The following PCDHA1 variants were observed in gnomAD, a reference collection of about 807,000 sequenced individuals.
The protein encoded by PCDHA1 is protocadherin alpha 1.
In PCDHA1, 42 loss-of-function variants were observed where a neutral mutation model predicts 61.3. The ratio of observed to expected loss-of-function variants is 0.69; its 90% CI spans 0.54 to 0.89. The LOEUF (loss-of-function observed/expected upper bound fraction) is 0.89, where lower values mean the gene tolerates loss of function less well. PCDHA1 is among the 40% of genes least tolerant of loss of function. The pLI, the probability that PCDHA1 is intolerant of heterozygous loss-of-function variation, is 0.00. For missense variants in PCDHA1, 1,256 were observed against 1,235.3 expected, an observed-to-expected ratio of 1.02 and a Z score of -0.25; for synonymous variants, 610 against 553.8, an observed-to-expected ratio of 1.10 and a Z score of -1.43.
chr5:140,823,220 A>T, intron 1 of PCDHA1: 1 of 1,613,736 alleles, frequency 6.2e-7, no homozygotes. Context: ...CGGGACGCGG[A>T]CGCGCAGGAG....
At chr5:140,966,622 G>C in intron 1 of PCDHA1, 1 of 854,486 alleles carries the variant, frequency 1.2e-6, no homozygotes, top group Non-Finnish European at 1.6e-6. Flanking sequence ...TACGGAGGGA[G>C]CGGCCCCAGG....
chr5:140,965,238 A>G (rs540671197), intron 1 of PCDHA1, among the ~76,000 whole-genome samples: 3 of 152,196 alleles, frequency 2.0e-5, no homozygotes, highest in Non-Finnish European at 2.9e-5. Context: ...ACCTGGGAAG[A>G]GTGAATATTC....
chr5:140,849,848 C>A (rs2150453425), intron 1 of PCDHA1: 1 of 1,598,546 alleles, frequency 6.3e-7, no homozygotes, highest in African/African-American at 1.3e-5. Context: ...TGAACGACAA[C>A]GCACCAGCGT....
At chr5:140,883,066 C>G in intron 1 of PCDHA1, 1 of 1,614,070 alleles carries the variant, frequency 6.2e-7, no homozygotes. Flanking sequence ...AGCTAAATGC[C>G]ACAGATCCTG....
intron 1 of PCDHA1, among the ~76,000 whole-genome samples, chr5:140,974,630 A>G (rs1252889789): frequency 6.7e-6 from 1 of 149,794 alleles, no homozygotes; most frequent in Non-Finnish European, 1.5e-5. Context: ...TCCTGCCTCA[A>G]CCTCCCGAGT....
rs114961630 is a variant in PCDHA1 at position 140,926,715 on chromosome 5, G to A, written c.2395-52234G>A. 1,110 of 952,350 alleles carry A rather than the reference G, an allele frequency of 1.2e-3. 9 individuals carry two copies. The African/African-American group carries it at 0.017, about 15-fold the overall frequency. The allele number at this position is 952,350 out of a possible 1,614,324, so 59.0% of individuals were successfully genotyped here. A position where few individuals can be genotyped will look rare whatever the true frequency, so the allele number is the denominator to read the frequency against. On this transcript the variant is annotated intron_variant, in intron 1 of 3. Transcript: ENST00000504120. ...GCCCGGCTCCCAGCTGGCCAGCCCC[G>A]GCAATGCCGGCGTTCGGGAGGCGCA... is the stretch of plus-strand genomic sequence containing the variant.
At chr5:140,882,811 C>T in intron 1 of PCDHA1, 2 of 1,614,192 alleles carry the variant, frequency 1.2e-6, no homozygotes, top group Non-Finnish European at 8.5e-7. Flanking sequence ...TCACTTTGGA[C>T]GCACAAAACA....
intron 3 of PCDHA1, among the ~76,000 whole-genome samples, chr5:141,005,559 G>A (rs980622255): frequency 6.6e-6 from 1 of 151,190 alleles, no homozygotes; most frequent in Admixed American, 6.6e-5. Flanking sequence ...AAAATTAGCC[G>A]GGCATGGTGG....
intron 1 of PCDHA1, chr5:140,851,422 A>C (rs1554145396): frequency 1.1e-6 from 1 of 948,550 alleles, no homozygotes; most frequent in Non-Finnish European, 1.3e-6. Flanking sequence ...ACTTCCCCTA[A>C]ACTTTAGAAA....
intron 1 of PCDHA1, chr5:140,847,434 A>T (rs1554141788): frequency 1.3e-5 from 2 of 149,796 alleles, no homozygotes; most frequent in East Asian, 3.9e-4. Flanking sequence ...TAGACTTGAG[A>T]TACACTAAAA....
At chr5:141,003,046 A>C (rs530303478) in intron 3 of PCDHA1, among the ~76,000 whole-genome samples, 76 of 152,356 alleles carry the variant, frequency 5.0e-4, no homozygotes, top group African/African-American at 1.8e-3. Context: ...TCCTGGCCTT[A>C]ACAGAACAGT....
At chr5:140,842,099 A>G (rs1554138785) in intron 1 of PCDHA1, 1 of 1,613,876 alleles carries the variant, frequency 6.2e-7, no homozygotes, top group Non-Finnish European at 8.5e-7. Flanking sequence ...CAACGGAACA[A>G]CAGTTATCAA....
intron 1 of PCDHA1, chr5:140,836,790 T>G: frequency 2.1e-6 from 3 of 1,427,258 alleles, no homozygotes; most frequent in Middle Eastern, 1.8e-4. Flanking sequence ...TTAGTTCAAT[T>G]GGTCTCCTTA....
At chr5:140,875,518 C>T in intron 1 of PCDHA1, 1 of 1,614,008 alleles carries the variant, frequency 6.2e-7, no homozygotes, top group Non-Finnish European at 8.5e-7. Flanking sequence ...GCGTCTGCTG[C>T]TCTCGCTTCT....
At chr5:140,992,637 G>A (rs31872) in intron 3 of PCDHA1, among the ~76,000 whole-genome samples, 103,738 of 151,942 alleles carry the variant, frequency 0.68, 36,576 homozygotes, top group African/African-American at 0.86. Flanking sequence ...AACTTCCCTG[G>A]AAAATAGAAG....
rs782789869 is a variant in PCDHA1, at chr5:140,786,470, G to T, written c.180G>T (p.Val60=). ...TGGGACTGGAGCTGGCGGAGCTGGT[G>T]CCTCGCCTGTTCCGGGTGGCGTCCA... ...QDLGLELAEL[V]PRLFRVASKT... The change falls in exon 1 of 4, where the codon GTG becomes GTT. Residue 60 remains valine, a synonymous_variant. Transcript: ENST00000504120. 7.4e-6 allele frequency: 12 copies of T among 1,613,540 alleles called. No homozygotes were observed. The highest frequency in any genetic ancestry group is 2.7e-5 in the African/African-American group (2 of 74,934).
At chr5:140,872,878 C>G (rs1582101357) in intron 1 of PCDHA1, among the ~76,000 whole-genome samples, 1 of 152,160 alleles carries the variant, frequency 6.6e-6, no homozygotes, top group East Asian at 1.9e-4. Flanking sequence ...TTATCAGTTT[C>G]ATTCATCTCA....
chr5:140,999,372 G>A (rs1029178969), intron 3 of PCDHA1, among the ~76,000 whole-genome samples: 3 of 152,188 alleles, frequency 2.0e-5, no homozygotes, highest in Non-Finnish European at 1.5e-5. Context: ...AATCCCATTA[G>A]ATGGTTATTG....
intron 1 of PCDHA1, chr5:140,823,386 C>A: frequency 6.2e-7 from 1 of 1,612,766 alleles, no homozygotes; most frequent in South Asian, 1.1e-5. Context: ...TGAGCGCGCG[C>A]GACGCGGGCG....
Sources: gnomAD v4.1 joint callset for allele counts (sites outside exome capture counted in the v4.1 genomes callset) on GRCh38, gnomAD v4.1.1 for gene constraint, MANE v1.5 for transcripts, NCBI Gene and HGNC (gene_info 2026-07-23, HGNC 2026-07-21) for gene names.